DAB1: variants seen among roughly 807,000 people sequenced by gnomAD.
The protein encoded by DAB1 is DAB adaptor protein 1.
A neutral mutation model predicts 64.6 loss-of-function variants in DAB1; 15 were observed. That is an observed-to-expected ratio of 0.23 (90% CI 0.16 to 0.36). The LOEUF is 0.36. Among genes scored for constraint, DAB1 ranks in the 10% least tolerant of loss-of-function variants. The probability of loss-of-function intolerance (pLI) is 1.00; values close to 1 mark genes in which losing one functional copy is unlikely to be tolerated. For missense variants in DAB1, 596 were observed against 706.7 expected (o/e 0.84, Z 1.78); for synonymous variants, 235 against 251.9 (o/e 0.93, Z 0.64).
intron 3 of DAB1, among the ~76,000 whole-genome samples, chr1:58,456,526 G>A (rs182220893): frequency 6.6e-6 from 1 of 152,208 alleles, no homozygotes; most frequent in Non-Finnish European, 1.5e-5. Flanking sequence ...CAATGGAGGA[G>A]TGTGAGGACT....
intron 2 of DAB1, among the ~76,000 whole-genome samples, chr1:57,257,743 G>A (rs984053503): frequency 6.6e-6 from 1 of 152,170 alleles, no homozygotes; most frequent in African/African-American, 2.4e-5. Context: ...CTCCCTCTGG[G>A]GGCTCTGGGA....
intron 1 of DAB1, among the ~76,000 whole-genome samples, chr1:57,860,146 G>A (rs1653944289): frequency 6.6e-6 from 1 of 152,132 alleles, no homozygotes; most frequent in African/African-American, 2.4e-5. Flanking sequence ...TCTTTTGGAT[G>A]CTTGGGTTTG....
intron 2 of DAB1, among the ~76,000 whole-genome samples, chr1:57,219,334 C>A (rs774076536): frequency 2.6e-5 from 4 of 151,940 alleles, no homozygotes; most frequent in African/African-American, 9.6e-5. Flanking sequence ...TAAAAGATAG[C>A]CTTTCCATTC....
intron 6 of DAB1, among the ~76,000 whole-genome samples, chr1:57,788,191 T>C (rs1211604113): frequency 2.6e-5 from 4 of 152,140 alleles, no homozygotes; most frequent in African/African-American, 9.7e-5. Flanking sequence ...AAAGCATAAG[T>C]CCACACAAAG....
chr1:57,321,591 G>C (rs1026219090), intron 1 of DAB1, among the ~76,000 whole-genome samples: 1 of 152,160 alleles, frequency 6.6e-6, no homozygotes, highest in African/African-American at 2.4e-5. Context: ...CAGAATCTTA[G>C]AGATGGAAGG....
intron 7 of DAB1, among the ~76,000 whole-genome samples, chr1:57,603,135 GT>G (rs1645595322): frequency 6.6e-6 from 1 of 152,104 alleles, no homozygotes; most frequent in Admixed American, 6.6e-5. Context: ...ACCACGCCTG[GT>G]TAATTTTGTA....
chr1:57,443,704 C>T (rs937438144), intron 7 of DAB1, among the ~76,000 whole-genome samples: 1 of 152,128 alleles, frequency 6.6e-6, no homozygotes, highest in African/African-American at 2.4e-5. Context: ...TGCTTCATTC[C>T]CCTATAGCCA....
chr1:57,634,823 T>A lies in DAB1; in HGVS notation n.625+14769A>T, dbSNP rs975810943. Among the ~76,000 whole-genome samples, 4 of 152,154 alleles carry A rather than the reference T, an allele frequency of 2.6e-5. No homozygotes were observed. The South Asian group carries it at 8.3e-4, about 32-fold the overall frequency. ...AATAAATATATAATGGTGGTGAAAATGTTTTAGAGAAAAGTTAAACAAGGT... is the reference window on the plus strand; with the variant it reads ...AATAAATATATAATGGTGGTGAAAAAGTTTTAGAGAAAAGTTAAACAAGGT... On this transcript the variant is annotated intron_variant and non_coding_transcript_variant, in intron 7 of 20. Transcript: ENST00000485760.
At chr1:58,484,361 C>T (rs1226611572) in intron 3 of DAB1, among the ~76,000 whole-genome samples, 3 of 152,168 alleles carry the variant, frequency 2.0e-5, no homozygotes, top group Non-Finnish European at 4.4e-5. Flanking sequence ...AAAGAGTAAG[C>T]ACAGGTAGAT....
At chr1:57,396,709 C>G (rs1682837686) in intron 1 of DAB1, among the ~76,000 whole-genome samples, 1 of 152,148 alleles carries the variant, frequency 6.6e-6, no homozygotes, top group South Asian at 2.1e-4. Context: ...TGCCTCAGTT[C>G]CTTCATCTGT....
chr1:57,163,832 T>C (rs186356138), intron 2 of DAB1, among the ~76,000 whole-genome samples: 1 of 152,254 alleles, frequency 6.6e-6, no homozygotes, highest in Non-Finnish European at 1.5e-5. Context: ...AGCACCTTAG[T>C]GGAAGGCAGG....
At chr1:57,698,720 T>G (rs1397854399) in intron 6 of DAB1, among the ~76,000 whole-genome samples, 1 of 152,178 alleles carries the variant, frequency 6.6e-6, no homozygotes, top group Non-Finnish European at 1.5e-5. Context: ...TCCCTCAGCA[T>G]AGTATATATC....
intron 3 of DAB1, among the ~76,000 whole-genome samples, chr1:58,376,792 C>T (rs1644331984): frequency 9.5e-6 from 1 of 104,852 alleles, no homozygotes; most frequent in African/African-American, 3.9e-5. Flanking sequence ...TAAAGTCTCC[C>T]ATTATTAATG....
intron 9 of DAB1, among the ~76,000 whole-genome samples, chr1:57,046,812 G>T (rs932046106): frequency 2.6e-5 from 4 of 152,172 alleles, no homozygotes; most frequent in Non-Finnish European, 5.9e-5. Context: ...GAGTACTATT[G>T]TTGCTTCAGC....
intron 7 of DAB1, among the ~76,000 whole-genome samples, chr1:57,501,679 G>A (rs1644291239): frequency 1.3e-5 from 2 of 152,168 alleles, no homozygotes; most frequent in Admixed American, 6.5e-5. Context: ...CTTCGTAAAA[G>A]CAGTTTGAAA....
intron 4 of DAB1, among the ~76,000 whole-genome samples, chr1:58,187,372 GA>G (rs1557687338): frequency 2.0e-5 from 3 of 151,176 alleles, no homozygotes; most frequent in Non-Finnish European, 2.9e-5. Flanking sequence ...AGTTACTCAG[GA>G]AGTTGAAGTG....
At chr1:58,241,026 A>G (rs1660268276) in intron 4 of DAB1, among the ~76,000 whole-genome samples, 1 of 152,178 alleles carries the variant, frequency 6.6e-6, no homozygotes, top group Admixed American at 6.5e-5. Context: ...ACACATAAAG[A>G]TATGAGAATT....
Position 57,249,670 on chromosome 1 carries a change from C to A in DAB1, c.67+41294G>T, listed in dbSNP as rs557279397. Among the ~76,000 whole-genome samples, 8 of 152,340 alleles carry A rather than the reference C, an allele frequency of 5.3e-5. No homozygotes were observed. In the South Asian group the frequency reaches 1.0e-3, roughly 20 times the overall value. On this transcript the variant is annotated intron_variant, in intron 2 of 14. Coordinates refer to ENST00000371236, the MANE Select transcript of DAB1 (RefSeq NM_001365792.1). Reference sequence around the variant, plus strand: ...TACAGGCATGAGCCACCACACCCAGCCTCAACCTTATGGTCCTACTTACAC... The same window carrying A: ...TACAGGCATGAGCCACCACACCCAGACTCAACCTTATGGTCCTACTTACAC...
At chr1:58,104,331 G>A (rs1557651596) in intron 5 of DAB1, among the ~76,000 whole-genome samples, 1 of 152,192 alleles carries the variant, frequency 6.6e-6, no homozygotes, top group Non-Finnish European at 1.5e-5. Context: ...GGAGGCTCAG[G>A]GAAGACTGAT....
Sources: allele counts gnomAD v4.1 joint callset (sites outside exome capture counted in the v4.1 genomes callset), GRCh38; gene constraint gnomAD v4.1.1; transcripts MANE v1.5; gene names NCBI Gene and HGNC (gene_info 2026-07-23, HGNC 2026-07-21).